VRK2: variants seen among roughly 807,000 people sequenced by gnomAD.
The protein encoded by VRK2 is serine/threonine-protein kinase VRK2.
VRK2 carries 60 observed loss-of-function variants against 57.6 expected under a neutral mutation model. That is an observed-to-expected ratio of 1.04 (90% CI 0.85 to 1.29). VRK2 has a LOEUF of 1.29. Among genes scored for constraint, VRK2 ranks in the 50% most tolerant of loss-of-function variants. The pLI, the probability that VRK2 is intolerant of heterozygous loss-of-function variation, is 0.00. For missense variants in VRK2, 705 were observed against 588.1 expected (o/e 1.20, Z -2.06); for synonymous variants, 231 against 199.2 (o/e 1.16, Z -1.35).
chr2:57,953,844 T>C (rs1372192643), intron 1 of VRK2, among the ~76,000 whole-genome samples: 5 of 152,172 alleles, frequency 3.3e-5, no homozygotes, highest in African/African-American at 1.2e-4. Flanking sequence ...TATTATTATA[T>C]TAATCTGAAT....
chr2:58,040,943 T>C (rs1674430394), intron 3 of VRK2: 1 of 762,802 alleles, frequency 1.3e-6, no homozygotes, highest in Admixed American at 6.3e-5. Context: ...AACTATTTCT[T>C]ACTTCTCCTC....
chr2:58,047,410 G>A (rs1047159678), intron 1 of VRK2: 2 of 985,256 alleles, frequency 2.0e-6, no homozygotes, highest in African/African-American at 3.5e-5. Context: ...CCCTGACAGG[G>A]ACGGGCCCTG....
At chr2:57,979,951 G>A (rs929789152) in intron 1 of VRK2, among the ~76,000 whole-genome samples, 1 of 151,998 alleles carries the variant, frequency 6.6e-6, no homozygotes, top group African/African-American at 2.4e-5. Context: ...ATCTAGCCAA[G>A]AGTCTATAAA....
intron 7 of VRK2, among the ~76,000 whole-genome samples, chr2:58,120,169 A>ATTTTT (rs1274870288): frequency 4.2e-5 from 3 of 71,480 alleles, no homozygotes; most frequent in African/African-American, 1.8e-4. Flanking sequence ...CTTTTTGTCT[A>ATTTTT]TTTTTTTTTC....
In VRK2 at chr2:58,089,835, A is replaced by G. The variant is rs1013035761; in HGVS notation, c.543+112A>G. 3 of 690,868 alleles carry G rather than the reference A, an allele frequency of 4.3e-6. No homozygotes were observed. The African/African-American group carries it at 5.4e-5, about 13-fold the overall frequency. 42.8% of individuals were successfully genotyped at this position (690,868 alleles called of 1,614,324 possible). A position where few individuals can be genotyped will look rare whatever the true frequency, so the allele number is the denominator to read the frequency against. On this transcript the variant is annotated intron_variant, in intron 7 of 12. Transcript: ENST00000340157. ...TACAAATGAGGGCGTAACATGATGA[A>G]TGTTGTAATTTATCTTACCTGCTTA...
chr2:58,158,527 T>G (rs1248533200), intron 12 of VRK2, among the ~76,000 whole-genome samples: 1 of 151,964 alleles, frequency 6.6e-6, no homozygotes, highest in Non-Finnish European at 1.5e-5. Context: ...CTGAGAATGA[T>G]GGACAGTGAA....
intron 7 of VRK2, among the ~76,000 whole-genome samples, chr2:58,105,561 C>G (rs187351928): frequency 5.5e-4 from 83 of 151,514 alleles, no homozygotes; most frequent in African/African-American, 1.8e-3. Context: ...TTTCTAAAAC[C>G]CAGATGCATA....
intron 1 of VRK2, among the ~76,000 whole-genome samples, chr2:57,926,674 T>C (rs1251865448): frequency 6.6e-6 from 1 of 151,918 alleles, no homozygotes; most frequent in Non-Finnish European, 1.5e-5. Flanking sequence ...ACTCCTGCTC[T>C]GTTTTGGTTT....
chr2:57,944,605 G>C (rs1000187307), intron 1 of VRK2, among the ~76,000 whole-genome samples: 1 of 152,070 alleles, frequency 6.6e-6, no homozygotes, highest in Non-Finnish European at 1.5e-5. Flanking sequence ...GCGTGGTGGC[G>C]GGCGCCTGTA....
chr2:57,986,016 T>C (rs1178458193), intron 1 of VRK2, among the ~76,000 whole-genome samples: 2 of 152,116 alleles, frequency 1.3e-5, no homozygotes, highest in African/African-American at 2.4e-5. Context: ...AATTAAAGAA[T>C]ACCTTTAGAT....
chr2:58,083,340 A>G (rs761075502), intron 2 of VRK2, among the ~76,000 whole-genome samples: 2 of 151,898 alleles, frequency 1.3e-5, no homozygotes, highest in South Asian at 2.1e-4. Flanking sequence ...ATTTATTGAG[A>G]TTTGAAAACA....
At chr2:58,083,307 A>G (rs1332796072) in intron 2 of VRK2, among the ~76,000 whole-genome samples, 16 of 151,858 alleles carry the variant, frequency 1.1e-4, no homozygotes, top group Admixed American at 1.1e-3. Flanking sequence ...AGTCTTTTGC[A>G]GTACAAATAA....
chr2:57,935,205 T>G (rs992465606), intron 1 of VRK2, among the ~76,000 whole-genome samples: 1 of 152,226 alleles, frequency 6.6e-6, no homozygotes, highest in Non-Finnish European at 1.5e-5. Context: ...TTCTTCAGTC[T>G]TTTCTGACTA....
rs565582403 is a variant in VRK2 at position 58,109,082 on chromosome 2, TGCTTGGCACTCAGGTATCTGTTAA to T, written c.544-13994_544-13971del. On this transcript the variant is annotated intron_variant, in intron 7 of 12. Coordinates refer to ENST00000340157, the MANE Select transcript of VRK2 (RefSeq NM_006296.7). ...TGAAGTGTATATTTCCTGTTTATTA[TGCTTGGCACTCAGGTATCTGTTAA>T]GCTTGGCACTCAGGTATCTGTTAAA... Among the ~76,000 whole-genome samples the T allele has an allele frequency of 3.3e-4, 51 of 152,324 alleles. No individual in the cohort carries two copies. The South Asian group carries it at 9.3e-3, about 28-fold the overall frequency.
intron 7 of VRK2, among the ~76,000 whole-genome samples, chr2:58,090,456 A>G (rs1401806802): frequency 6.6e-6 from 1 of 151,982 alleles, no homozygotes; most frequent in Admixed American, 6.6e-5. Context: ...AATTTTGTGT[A>G]ATGATGAAAA....
At chr2:57,922,454 T>TTGTG (rs59731064) in intron 1 of VRK2, among the ~76,000 whole-genome samples, 43,974 of 146,850 alleles carry the variant, frequency 0.3, 7,303 homozygotes, top group Non-Finnish European at 0.38. Flanking sequence ...AGTTACCTTC[T>TTGTG]TGTGTGTGTG....
intron 1 of VRK2, among the ~76,000 whole-genome samples, chr2:57,915,973 C>G (rs1377967002): frequency 3.9e-5 from 6 of 152,092 alleles, no homozygotes; most frequent in Non-Finnish European, 7.4e-5. Context: ...AGTTTCATCC[C>G]AAAACCACCA....
intron 7 of VRK2, among the ~76,000 whole-genome samples, chr2:58,099,021 G>A (rs1285860543): frequency 2.0e-5 from 3 of 151,850 alleles, no homozygotes; most frequent in Non-Finnish European, 4.4e-5. Context: ...TTGCACAATC[G>A]ATAACTAGAA....
At chr2:57,909,986 T>C (rs1027441738) in intron 1 of VRK2, among the ~76,000 whole-genome samples, 1 of 152,138 alleles carries the variant, frequency 6.6e-6, no homozygotes, top group African/African-American at 2.4e-5. Context: ...AGAAAAATGT[T>C]TCATCCACAT....
Sources: gnomAD v4.1 joint callset for allele counts (sites outside exome capture counted in the v4.1 genomes callset) on GRCh38, gnomAD v4.1.1 for gene constraint, MANE v1.5 for transcripts, NCBI Gene and HGNC (gene_info 2026-07-23, HGNC 2026-07-21) for gene names.